Variants in SOX5 observed in about 807,000 individuals in gnomAD.
SOX5 encodes SRY-box transcription factor 5.
Under a neutral mutation model 92.0 loss-of-function variants are expected in SOX5, and 9 were observed. The observed-to-expected ratio is 0.10, with a 90% CI of 0.06 to 0.17. The LOEUF (loss-of-function observed/expected upper bound fraction) is 0.17, where lower values mean the gene tolerates loss of function less well. SOX5 is among the 10% of genes least tolerant of loss of function. The probability of loss-of-function intolerance (pLI) is 1.00; values close to 1 mark genes in which losing one functional copy is unlikely to be tolerated. For missense variants in SOX5, 642 were observed against 944.5 expected, an observed-to-expected ratio of 0.68 and a Z score of 4.20; for synonymous variants, 344 against 336.3, an observed-to-expected ratio of 1.02 and a Z score of -0.25.
intron 3 of SOX5, among the ~76,000 whole-genome samples, chr12:23,797,206 T>C (rs925498533): frequency 3.2e-4 from 49 of 152,116 alleles, no homozygotes; most frequent in African/African-American, 1.1e-3. Flanking sequence ...GTATCATTTA[T>C]TTCAGACTAG....
chr12:23,564,831 C>T (rs184538957), intron 10 of SOX5, among the ~76,000 whole-genome samples: 28 of 152,292 alleles, frequency 1.8e-4, no homozygotes, highest in Middle Eastern at 3.4e-3. Flanking sequence ...CTAGACTCTT[C>T]TATCTGATCT....
intron 4 of SOX5, among the ~76,000 whole-genome samples, chr12:24,140,630 A>G (rs1310059027): frequency 6.6e-6 from 1 of 152,194 alleles, no homozygotes; most frequent in Non-Finnish European, 1.5e-5. Context: ...TTTAGGAATA[A>G]GGATTAAACC....
At chr12:23,865,645 C>T (rs575021222) in intron 2 of SOX5, among the ~76,000 whole-genome samples, 2 of 151,944 alleles carry the variant, frequency 1.3e-5, no homozygotes, top group Admixed American at 6.6e-5. Context: ...ACTGCATTCC[C>T]GCCTGGGTGA....
chr12:24,488,986 C>T (rs572610443), intron 1 of SOX5, among the ~76,000 whole-genome samples: 2 of 152,152 alleles, frequency 1.3e-5, no homozygotes, highest in African/African-American at 4.8e-5. Context: ...ATTTATTGTG[C>T]TAATGCACCA....
chr12:23,772,509 G>C (rs2094965852), intron 3 of SOX5, among the ~76,000 whole-genome samples: 1 of 152,110 alleles, frequency 6.6e-6, no homozygotes, highest in African/African-American at 2.4e-5. Context: ...TAAAATAAAA[G>C]AAAAAGTTCT....
chr12:24,000,284 A>G (rs972796216), intron 4 of SOX5, among the ~76,000 whole-genome samples: 3 of 151,828 alleles, frequency 2.0e-5, no homozygotes, highest in Non-Finnish European at 4.4e-5. Context: ...TTAATATTTT[A>G]AAAACTAAAT....
At chr12:24,085,901 C>A (rs1402728655) in intron 4 of SOX5, among the ~76,000 whole-genome samples, 1 of 151,450 alleles carries the variant, frequency 6.6e-6, no homozygotes, top group African/African-American at 2.4e-5. Flanking sequence ...GTAAAACAAT[C>A]CCCACAGGTA....
chr12:24,506,398 T>C (rs1362045994), intron 1 of SOX5, among the ~76,000 whole-genome samples: 2 of 117,574 alleles, frequency 1.7e-5, no homozygotes, highest in Non-Finnish European at 3.4e-5. Flanking sequence ...AAGAGGCACA[T>C]AAATTTACAA....
chr12:24,010,385 A>T (rs2136513509), intron 4 of SOX5, among the ~76,000 whole-genome samples: 1 of 152,328 alleles, frequency 6.6e-6, no homozygotes, highest in East Asian at 1.9e-4. Context: ...AAGAAATTTG[A>T]AAAGGAAGTA....
intron 4 of SOX5, among the ~76,000 whole-genome samples, chr12:23,975,900 AG>A (rs1427424036): frequency 1.3e-5 from 2 of 152,212 alleles, no homozygotes; most frequent in African/African-American, 4.8e-5. Context: ...CTTAACTTAT[AG>A]ATAAAATTCT....
chr12:24,181,648 T>C (rs1955509416), intron 4 of SOX5, among the ~76,000 whole-genome samples: 1 of 152,196 alleles, frequency 6.6e-6, no homozygotes, highest in African/African-American at 2.4e-5. Context: ...CCCAGAAGCA[T>C]GCCTGGCACA....
chr12:24,486,342 A>T (rs1946528019), intron 1 of SOX5, among the ~76,000 whole-genome samples: 1 of 152,296 alleles, frequency 6.6e-6, no homozygotes, highest in African/African-American at 2.4e-5. Flanking sequence ...CTTCTCTACC[A>T]TCCCACCAAG....
rs536725950 is a variant in SOX5 at position 23,889,629 on chromosome 12, A to G, written c.270+6164T>C. ...CTTTCAGTGTTTAAGGTTGGATTTC[A>G]TATGGTGGAGGCTTGCTATAATGTT... On this transcript the variant is annotated intron_variant, in intron 2 of 14. Transcript: ENST00000451604. 1.1e-4 allele frequency among the ~76,000 whole-genome samples: 16 copies of G among 152,302 alleles called. No homozygotes were observed. In the South Asian group the frequency reaches 3.3e-3, roughly 32 times the overall value.
intron 1 of SOX5, among the ~76,000 whole-genome samples, chr12:23,925,086 A>C (rs979589442): frequency 6.6e-6 from 1 of 152,038 alleles, no homozygotes; most frequent in South Asian, 2.1e-4. Flanking sequence ...TCACAAATAT[A>C]TTACCATAGG....
At chr12:24,286,371 C>T (rs929188796) in intron 2 of SOX5, among the ~76,000 whole-genome samples, 4 of 152,026 alleles carry the variant, frequency 2.6e-5, no homozygotes, top group Admixed American at 6.6e-5. Context: ...TGTGCTAAAT[C>T]GGGTACTATT....
At chr12:24,294,485 G>A (rs139809194) in intron 2 of SOX5, among the ~76,000 whole-genome samples, 1 of 152,090 alleles carries the variant, frequency 6.6e-6, no homozygotes, top group Non-Finnish European at 1.5e-5. Flanking sequence ...AACTCAGAGG[G>A]GGCTATTTCA....
intron 4 of SOX5, among the ~76,000 whole-genome samples, chr12:24,069,681 C>T (rs1181147941): frequency 6.6e-6 from 1 of 152,132 alleles, no homozygotes; most frequent in Non-Finnish European, 1.5e-5. Context: ...GCATTTTTGG[C>T]AGCAGGGAGA....
intron 3 of SOX5, among the ~76,000 whole-genome samples, chr12:24,260,742 C>G (rs1216660170): frequency 6.6e-6 from 1 of 152,080 alleles, no homozygotes; most frequent in Middle Eastern, 3.2e-3. Flanking sequence ...TTCTAAAGTG[C>G]TGAAATTCTA....
At chr12:24,392,218 C>A (rs546929785) in intron 1 of SOX5, among the ~76,000 whole-genome samples, 1 of 152,262 alleles carries the variant, frequency 6.6e-6, no homozygotes, top group African/African-American at 2.4e-5. Flanking sequence ...ACCTATCTCC[C>A]TGTTCGAGTC....
Sources: gnomAD v4.1 joint callset for allele counts (sites outside exome capture counted in the v4.1 genomes callset) on GRCh38, gnomAD v4.1.1 for gene constraint, MANE v1.5 for transcripts, NCBI Gene and HGNC (gene_info 2026-07-23, HGNC 2026-07-21) for gene names.